Variants in ARHGAP24 observed in about 807,000 individuals in gnomAD.
ARHGAP24 encodes rho GTPase-activating protein 24.
In ARHGAP24, 50 loss-of-function variants were observed where a neutral mutation model predicts 76.4. The ratio of observed to expected loss-of-function variants is 0.65; its 90% CI spans 0.52 to 0.83. The LOEUF is 0.83. ARHGAP24 is among the 40% of genes least tolerant of loss of function. ARHGAP24 has a pLI of 0.00. For synonymous variants in ARHGAP24, 345 were observed against 323.3 expected (o/e 1.07, Z -0.72); for missense variants, 930 against 914.2 (o/e 1.02, Z -0.22).
intron 2 of ARHGAP24, among the ~76,000 whole-genome samples, chr4:85,628,697 G>A (rs962060709): frequency 6.6e-6 from 1 of 152,110 alleles, no homozygotes; most frequent in Non-Finnish European, 1.5e-5. Context: ...GGCTTTACAT[G>A]TATTTACAAT....
intron 2 of ARHGAP24, among the ~76,000 whole-genome samples, chr4:85,607,250 G>T: frequency 6.6e-6 from 1 of 152,024 alleles, no homozygotes; most frequent in East Asian, 1.9e-4. Context: ...ATCAACATTC[G>T]CTATAGAGAG....
chr4:85,789,345 A>G (rs1728009911), intron 3 of ARHGAP24, among the ~76,000 whole-genome samples: 1 of 152,040 alleles, frequency 6.6e-6, no homozygotes, highest in South Asian at 2.1e-4. Context: ...AAAAGGCAAT[A>G]CTAAACAGAT....
intron 2 of ARHGAP24, among the ~76,000 whole-genome samples, chr4:85,653,406 A>G (rs1722018576): frequency 6.6e-6 from 1 of 152,216 alleles, no homozygotes; most frequent in African/African-American, 2.4e-5. Context: ...AGTAAATTGC[A>G]GATGCTCTAG....
chr4:85,956,714 C>T (rs1460124751), intron 5 of ARHGAP24, among the ~76,000 whole-genome samples: 2 of 152,146 alleles, frequency 1.3e-5, no homozygotes, highest in Non-Finnish European at 2.9e-5. Context: ...GCCTTTAGCC[C>T]GATCGGGAGG....
At chr4:85,536,185 A>T (rs1469343086) in intron 1 of ARHGAP24, among the ~76,000 whole-genome samples, 1 of 152,174 alleles carries the variant, frequency 6.6e-6, no homozygotes, top group African/African-American at 2.4e-5. Context: ...CCTAGGATCA[A>T]CTTACATGAC....
intron 6 of ARHGAP24, among the ~76,000 whole-genome samples, chr4:85,973,044 G>A (rs772207256): frequency 2.6e-5 from 4 of 151,914 alleles, no homozygotes; most frequent in Non-Finnish European, 5.9e-5. Context: ...AGTTTTGCAT[G>A]GATCTATGTT....
chr4:85,872,161 C>A (rs1266436215), intron 3 of ARHGAP24, among the ~76,000 whole-genome samples: 1 of 151,738 alleles, frequency 6.6e-6, no homozygotes, highest in Non-Finnish European at 1.5e-5. Context: ...GCCTAGTGAC[C>A]TTGGACTTAG....
chr4:85,560,999 C>T (rs1056044331), intron 1 of ARHGAP24, among the ~76,000 whole-genome samples: 1 of 152,206 alleles, frequency 6.6e-6, no homozygotes, highest in Non-Finnish European at 1.5e-5. Flanking sequence ...TTGAAGCATT[C>T]ATTCACTTAT....
chr4:85,973,624 T>C (rs1171405095), intron 6 of ARHGAP24, among the ~76,000 whole-genome samples: 1 of 152,170 alleles, frequency 6.6e-6, no homozygotes, highest in Non-Finnish European at 1.5e-5. Context: ...GAGTTACTCC[T>C]GTATTTTCTT....
intron 3 of ARHGAP24, among the ~76,000 whole-genome samples, chr4:85,757,983 T>C (rs1726578863): frequency 6.6e-6 from 1 of 152,202 alleles, no homozygotes; most frequent in Non-Finnish European, 1.5e-5. Flanking sequence ...ATGAGCATTT[T>C]TTCACGTGTC....
chr4:85,860,311 A>T (rs1469221243), intron 3 of ARHGAP24, among the ~76,000 whole-genome samples: 2 of 152,242 alleles, frequency 1.3e-5, no homozygotes, highest in African/African-American at 4.8e-5. Context: ...TCACTCATAT[A>T]TGAGTCAGAG....
intron 2 of ARHGAP24, among the ~76,000 whole-genome samples, chr4:85,683,335 T>A (rs1723298009): frequency 6.6e-6 from 1 of 152,126 alleles, no homozygotes; most frequent in South Asian, 2.1e-4. Flanking sequence ...TATGATTAAA[T>A]TCTATCCTAG....
In ARHGAP24 at chr4:85,667,722, A is replaced by G. The variant is rs542575653; in HGVS notation, c.181-54163A>G. 4.7e-4 allele frequency among the ~76,000 whole-genome samples: 71 copies of G among 152,292 alleles called. 1 individual carries two copies. The highest frequency in any genetic ancestry group is 1.6e-3 in the African/African-American group (66 of 41,568). The stretch of plus-strand genomic sequence containing the variant: ...TTACTGATCAGTAAGCTAAATGAAT[A>G]TTTGTGTTTTTCTGTATCCAGTATC... On this transcript the variant is annotated intron_variant, in intron 2 of 9. Transcript: ENST00000395184.
intron 2 of ARHGAP24, among the ~76,000 whole-genome samples, chr4:85,594,388 C>A (rs1228491441): frequency 1.3e-5 from 2 of 152,002 alleles, no homozygotes; most frequent in Non-Finnish European, 2.9e-5. Context: ...AGCATATCAT[C>A]TATAAACAAG....
chr4:85,766,418 A>G (rs1214001795), intron 3 of ARHGAP24, among the ~76,000 whole-genome samples: 1 of 152,114 alleles, frequency 6.6e-6, no homozygotes, highest in African/African-American at 2.4e-5. Context: ...TATTCTTTTT[A>G]GGTTATTAGT....
At chr4:85,807,318 T>A (rs893862209) in intron 3 of ARHGAP24, among the ~76,000 whole-genome samples, 13 of 151,998 alleles carry the variant, frequency 8.6e-5, no homozygotes, top group African/African-American at 2.9e-4. Context: ...GTCCATGTGT[T>A]CTCATTGTTC....
intron 1 of ARHGAP24, among the ~76,000 whole-genome samples, chr4:85,487,909 A>T (rs894313760): frequency 1.2e-4 from 16 of 132,776 alleles, no homozygotes; most frequent in Middle Eastern, 3.6e-3. Flanking sequence ...TTATATATAT[A>T]TATTTATTTA....
chr4:85,812,884 C>G (rs1729072725), intron 3 of ARHGAP24, among the ~76,000 whole-genome samples: 2 of 152,182 alleles, frequency 1.3e-5, no homozygotes, highest in South Asian at 4.1e-4. Flanking sequence ...CCAGGGTCAC[C>G]TGCCTCAATT....
At chr4:85,802,822 C>T (rs1728636211) in intron 3 of ARHGAP24, among the ~76,000 whole-genome samples, 1 of 152,018 alleles carries the variant, frequency 6.6e-6, no homozygotes, top group African/African-American at 2.4e-5. Flanking sequence ...AAAACCGAAA[C>T]TTTAGTTATA....
Sources: gnomAD v4.1 joint callset for allele counts (sites outside exome capture counted in the v4.1 genomes callset) on GRCh38, gnomAD v4.1.1 for gene constraint, MANE v1.5 for transcripts, NCBI Gene and HGNC (gene_info 2026-07-23, HGNC 2026-07-21) for gene names.